LMO7: variants seen among roughly 807,000 people sequenced by gnomAD.
The protein encoded by LMO7 is LIM domain 7.
LMO7 carries 120 observed loss-of-function variants against 206.5 expected under a neutral mutation model. That is an observed-to-expected ratio of 0.58 (90% CI 0.50 to 0.68). The LOEUF (loss-of-function observed/expected upper bound fraction) is 0.68, where lower values mean the gene tolerates loss of function less well. Among genes scored for constraint, LMO7 ranks in the 30% least tolerant of loss-of-function variants. The pLI is 0.00. For missense variants in LMO7, 1,959 were observed against 1,957.9 expected (o/e 1.00, Z -0.01); for synonymous variants, 706 against 681.5 (o/e 1.04, Z -0.56).
rs879161191 is a variant in LMO7 at position 75,726,370 on chromosome 13, G to A, written c.141-659G>A. 2.0e-5 allele frequency among the ~76,000 whole-genome samples: 3 copies of A among 151,992 alleles called. No homozygotes were observed. The South Asian group carries it at 6.2e-4, about 31-fold the overall frequency. ...GTTGGCAGACATAGATATCTTTGCA[G>A]TGTCTTCCATATTAACTTAAACTGG... On this transcript the variant is annotated intron_variant, in intron 2 of 30. Transcript: ENST00000377534.
At chr13:75,743,455 A>G (rs2046584780) in intron 3 of LMO7, among the ~76,000 whole-genome samples, 1 of 152,174 alleles carries the variant, frequency 6.6e-6, no homozygotes, top group South Asian at 2.1e-4. Context: ...AACCTAAATG[A>G]CCATCAATGG....
Position 75,823,726 on chromosome 13 carries a change from G to T in LMO7, c.2802G>T (p.Leu934=). The T allele has an allele frequency of 1.2e-6, 2 of 1,614,102 alleles. No individual in the cohort carries two copies. Among genetic ancestry groups the T allele is most frequent in the Non-Finnish European group, 8.5e-7 (1 of 1,180,006 alleles). Residue 934 remains leucine (L), a synonymous_variant, in exon 15 of 31, where the codon CTG becomes CTT. Transcript: ENST00000377534. The part of the protein sequence containing the change: ...VAATEEDVTR[L]PSPTSPFSSL... The stretch of plus-strand genomic sequence containing the variant: ...CAACAGAAGAAGATGTGACAAGGCT[G>T]CCCTCTCCTACATCCCCCTTCTCAT...
intron 1 of LMO7, among the ~76,000 whole-genome samples, chr13:75,641,537 C>G (rs2036528086): frequency 6.6e-6 from 1 of 152,176 alleles, no homozygotes; most frequent in Non-Finnish European, 1.5e-5. Flanking sequence ...ACATTAATCT[C>G]CATTTCTTTG....
chr13:75,795,144 C>T (rs2053812610), intron 4 of LMO7, among the ~76,000 whole-genome samples: 1 of 151,972 alleles, frequency 6.6e-6, no homozygotes, highest in South Asian at 2.1e-4. Flanking sequence ...GAAAAAACAG[C>T]ACTGCTTTTT....
At chr13:75,738,138 A>T (rs2046103775) in intron 3 of LMO7, among the ~76,000 whole-genome samples, 1 of 152,208 alleles carries the variant, frequency 6.6e-6, no homozygotes, top group South Asian at 2.1e-4. Flanking sequence ...GGTTTGTGTA[A>T]GGTAGATTCA....
intron 1 of LMO7, among the ~76,000 whole-genome samples, chr13:75,654,564 G>A (rs1341319567): frequency 2.6e-5 from 4 of 152,108 alleles, no homozygotes; most frequent in East Asian, 1.9e-4. Context: ...GGGCTGTGGC[G>A]TGTGGGGGGT....
intron 1 of LMO7, among the ~76,000 whole-genome samples, chr13:75,642,597 T>C (rs1210861855): frequency 6.6e-6 from 1 of 152,114 alleles, no homozygotes; most frequent in Non-Finnish European, 1.5e-5. Context: ...AGTAAGACTC[T>C]ATCTTTAAAA....
intron 1 of LMO7, among the ~76,000 whole-genome samples, chr13:75,680,052 G>T (rs1352495089): frequency 6.6e-6 from 1 of 152,048 alleles, no homozygotes; most frequent in Non-Finnish European, 1.5e-5. Flanking sequence ...TTTTCCTGAC[G>T]ATCTCCCTCC....
intron 3 of LMO7, among the ~76,000 whole-genome samples, chr13:75,739,591 C>G (rs574746772): frequency 6.6e-6 from 1 of 152,150 alleles, no homozygotes; most frequent in South Asian, 2.1e-4. Flanking sequence ...GGCTAATGTT[C>G]TTGTACCTGT....
chr13:75,740,045 G>A (rs1326995200), intron 3 of LMO7, among the ~76,000 whole-genome samples: 1 of 152,122 alleles, frequency 6.6e-6, no homozygotes, highest in African/African-American at 2.4e-5. Context: ...TTCATTCAAG[G>A]GTAGCACTTT....
chr13:75,761,657 G>T (rs1372169540), intron 4 of LMO7, among the ~76,000 whole-genome samples: 1 of 152,074 alleles, frequency 6.6e-6, no homozygotes, highest in Admixed American at 6.6e-5. Context: ...AATGGTGTTT[G>T]TGTGGGAGTA....
At chr13:75,795,936 A>G (rs942815417) in intron 5 of LMO7, among the ~76,000 whole-genome samples, 2 of 152,184 alleles carry the variant, frequency 1.3e-5, no homozygotes, top group East Asian at 3.8e-4. Context: ...TACATAACAA[A>G]CCTGCACATC....
intron 1 of LMO7, among the ~76,000 whole-genome samples, chr13:75,663,432 C>CTTTCTTTTTTTTTTTTTTTTTTT (rs1555289857): frequency 1.8e-5 from 2 of 111,408 alleles, no homozygotes; most frequent in Non-Finnish European, 3.5e-5. Flanking sequence ...TTCTTTCTTT[C>CTTTCTTTTTTTTTTTTTTTTTTT]TTTTTTTTTT....
chr13:75,819,805 A>G (rs2057400264), intron 13 of LMO7, among the ~76,000 whole-genome samples: 1 of 152,164 alleles, frequency 6.6e-6, no homozygotes, highest in African/African-American at 2.4e-5. Flanking sequence ...GCAGAATTGG[A>G]TGGTGTTGGC....
At chr13:75,720,008 G>A (rs1329730691) in intron 2 of LMO7, among the ~76,000 whole-genome samples, 1 of 152,116 alleles carries the variant, frequency 6.6e-6, no homozygotes, top group Non-Finnish European at 1.5e-5. Context: ...ATTTGGTGTC[G>A]TCCGTGTTCT....
chr13:75,841,918 G>A lies in LMO7; in HGVS notation c.3966G>A (p.Ala1322=), dbSNP rs577625165. Residue 1322 remains alanine (A), a synonymous_variant, in exon 24 of 31, where the codon GCG becomes GCA. Coordinates refer to ENST00000377534, the MANE Select transcript of LMO7 (RefSeq NM_001306080.2). ...AGGCTGAGGAGCAGAAGCGTCCTGC[G>A]GAGGAGCAGAAGCGCCAGGCAGAGA... The part of the protein sequence containing the change: ...QAEAEEQKRP[A]EEQKRQAEIE... The A allele has an allele frequency of 4.9e-5, 79 of 1,613,602 alleles. 1 individual carries two copies. The East Asian group carries it at 1.1e-3, about 23-fold the overall frequency.
chr13:75,624,226 T>C (rs2033727934), intron 2 of LMO7, among the ~76,000 whole-genome samples: 1 of 152,222 alleles, frequency 6.6e-6, no homozygotes. Flanking sequence ...ACTGAAGGTT[T>C]CCACACTTCA....
intron 1 of LMO7, among the ~76,000 whole-genome samples, chr13:75,663,667 T>A (rs1442033668): frequency 6.6e-6 from 1 of 152,028 alleles, no homozygotes; most frequent in African/African-American, 2.4e-5. Context: ...CATGACCTTG[T>A]GATCCACCCG....
chr13:75,720,589 T>C (rs1332304607), intron 2 of LMO7, among the ~76,000 whole-genome samples: 1 of 152,220 alleles, frequency 6.6e-6, no homozygotes, highest in Non-Finnish European at 1.5e-5. Context: ...GTGAAATCCA[T>C]TAGTGCTATA....
Sources: allele counts gnomAD v4.1 joint callset (sites outside exome capture counted in the v4.1 genomes callset), GRCh38; gene constraint gnomAD v4.1.1; transcripts MANE v1.5; gene names NCBI Gene and HGNC (gene_info 2026-07-23, HGNC 2026-07-21).